Variants in LRIG1 observed in about 807,000 individuals in gnomAD.
LRIG1 encodes the protein leucine-rich repeats and immunoglobulin-like domains protein 1.
In LRIG1, 48 loss-of-function variants were observed where a neutral mutation model predicts 99.2. The observed-to-expected ratio is 0.48, with a 90% confidence interval of 0.38 to 0.62. LRIG1 has a LOEUF of 0.62. Ranked by LOEUF, LRIG1 falls within the 20% of genes least tolerant of loss-of-function variation. LRIG1 has a pLI of 0.00. For missense variants in LRIG1, 1,646 were observed against 1,434.4 expected, an observed-to-expected ratio of 1.15 and a Z score of -2.38; for synonymous variants, 772 against 596.1, an observed-to-expected ratio of 1.29 and a Z score of -4.30.
chr3:66,410,847 G>C (rs1390348489), intron 6 of LRIG1, among the ~76,000 whole-genome samples: 1 of 152,214 alleles, frequency 6.6e-6, no homozygotes, highest in Non-Finnish European at 1.5e-5. Flanking sequence ...ACCTGTCTAA[G>C]ACTTTACACA....
At chr3:66,487,451 G>A (rs1371451391) in intron 1 of LRIG1, among the ~76,000 whole-genome samples, 1 of 152,122 alleles carries the variant, frequency 6.6e-6, no homozygotes, top group Non-Finnish European at 1.5e-5. Flanking sequence ...TGAAACTGGG[G>A]GATCCGTTCT....
At chr3:66,496,939 T>C (rs988088101) in intron 1 of LRIG1, among the ~76,000 whole-genome samples, 1 of 152,252 alleles carries the variant, frequency 6.6e-6, no homozygotes, top group African/African-American at 2.4e-5. Flanking sequence ...CAACCACAGT[T>C]GGTGTTTATT....
chr3:66,419,297 T>C (rs750006752), intron 3 of LRIG1, among the ~76,000 whole-genome samples: 40 of 152,084 alleles, frequency 2.6e-4, no homozygotes, highest in Admixed American at 5.9e-4. Context: ...TGTGGTCCGG[T>C]ACCTTTTGCT....
chr3:66,444,550 G>A (rs182866896), intron 3 of LRIG1, among the ~76,000 whole-genome samples: 172 of 152,334 alleles, frequency 1.1e-3, no homozygotes, highest in African/African-American at 3.9e-3. Context: ...CCCCATATGA[G>A]CCCCAGGAGT....
At chr3:66,444,918 C>CAT (rs1326433867) in intron 3 of LRIG1, among the ~76,000 whole-genome samples, 8 of 150,978 alleles carry the variant, frequency 5.3e-5, no homozygotes, top group South Asian at 2.1e-4. Context: ...TATCTATATA[C>CAT]ATATATATAC....
intron 1 of LRIG1, among the ~76,000 whole-genome samples, chr3:66,485,367 T>C (rs1283003168): frequency 6.6e-6 from 1 of 152,034 alleles, no homozygotes; most frequent in Non-Finnish European, 1.5e-5. Flanking sequence ...ATAAACTCCA[T>C]CAGCAGGCTA....
At chr3:66,441,596 C>T (rs2106778420) in intron 3 of LRIG1, among the ~76,000 whole-genome samples, 3 of 152,268 alleles carry the variant, frequency 2.0e-5, no homozygotes. Context: ...AAAGCAAGGG[C>T]ATTACAGAGG....
chr3:66,497,688 T>A (rs1213160524), intron 1 of LRIG1, among the ~76,000 whole-genome samples: 1 of 111,444 alleles, frequency 9.0e-6, no homozygotes, highest in Non-Finnish European at 1.7e-5. Context: ...AACTTCCACA[T>A]CAGACGCACT....
At chr3:66,383,959 C>CACACAT (rs1701238153) in intron 14 of LRIG1, 32 bp downstream of exon 14, 1 of 1,602,868 alleles carries the variant, frequency 6.2e-7, no homozygotes, top group East Asian at 2.2e-5. Context: ...CACACACACA[C>CACACAT]ACACACACAC....
intron 12 of LRIG1, among the ~76,000 whole-genome samples, chr3:66,390,984 C>T (rs1159710994): frequency 6.6e-6 from 1 of 151,754 alleles, no homozygotes; most frequent in Admixed American, 6.6e-5. Context: ...CAAATGAATA[C>T]TGGCAAATGA....
At chr3:66,497,714 A>AAAC in intron 1 of LRIG1, among the ~76,000 whole-genome samples, 1 of 150,600 alleles carries the variant, frequency 6.6e-6, no homozygotes, top group East Asian at 1.9e-4. Flanking sequence ...CAAAAAAAAA[A>AAAC]AAAAAAAAAA....
chr3:66,407,569 A>T (rs778291577), intron 7 of LRIG1, 78 bp from the exon 8 acceptor site: 5 of 1,549,760 alleles, frequency 3.2e-6, no homozygotes, highest in Non-Finnish European at 4.4e-6. Context: ...ATTGGGCCAC[A>T]GTCAGCTGGG....
At chr3:66,388,909 T>A (rs1001174647) in intron 12 of LRIG1, among the ~76,000 whole-genome samples, 1 of 152,030 alleles carries the variant, frequency 6.6e-6, no homozygotes, top group Non-Finnish European at 1.5e-5. Flanking sequence ...GCAACTCCAA[T>A]CCACACCAAG....
At chr3:66,396,959 T>C (rs576339373) in intron 11 of LRIG1, among the ~76,000 whole-genome samples, 94 of 152,310 alleles carry the variant, frequency 6.2e-4, no homozygotes, top group East Asian at 2.5e-3. Context: ...CATGGAATCC[T>C]TTCTGTATGT....
intron 9 of LRIG1, among the ~76,000 whole-genome samples, chr3:66,403,131 C>T (rs1702126170): frequency 6.6e-6 from 1 of 152,180 alleles, no homozygotes; most frequent in South Asian, 2.1e-4. Context: ...TGCCAATCCT[C>T]CTCCGGTCGT....
Position 66,380,066 on chromosome 3 carries a change from CTTTT to C in LRIG1, c.*193_*196del, listed in dbSNP as rs796507004. On this transcript the variant is annotated 3_prime_UTR_variant, in exon 19 of 19. Transcript: ENST00000273261. ...CTCTTATGTACAATGATATCAAATA[CTTTT>C]TTTGCCTTTTGTACACAAATCCCCT... 3.9e-6 allele frequency: 2 copies of C among 507,010 alleles called. No individual in the cohort carries two copies. Among genetic ancestry groups the C allele is most frequent in the Non-Finnish European group, 7.0e-6 (2 of 286,802 alleles). The allele number at this position is 507,010 out of a possible 1,614,324, so 31.4% of individuals were successfully genotyped here.
intron 1 of LRIG1, among the ~76,000 whole-genome samples, chr3:66,490,561 T>C (rs1306500027): frequency 2.6e-5 from 4 of 152,088 alleles, no homozygotes; most frequent in Admixed American, 6.5e-5. Flanking sequence ...TAAAACCAGA[T>C]GAAAGAATGG....
intron 1 of LRIG1, among the ~76,000 whole-genome samples, chr3:66,479,179 C>G (rs1226066508): frequency 6.6e-6 from 1 of 152,246 alleles, no homozygotes; most frequent in Non-Finnish European, 1.5e-5. Flanking sequence ...TAATTTATAG[C>G]TGCAAAGCTC....
intron 3 of LRIG1, among the ~76,000 whole-genome samples, chr3:66,443,344 TGAGGGGGC>T (rs1703609084): frequency 1.0e-4 from 1 of 9,970 alleles, no homozygotes; most frequent in South Asian, 2.6e-3. Context: ...GGGGGATGAG[TGAGGGGGC>T]GGGGGATGAG....
Sources: allele counts gnomAD v4.1 joint callset (sites outside exome capture counted in the v4.1 genomes callset), GRCh38; gene constraint gnomAD v4.1.1; transcripts MANE v1.5; gene names NCBI Gene and HGNC (gene_info 2026-07-23, HGNC 2026-07-21).